The following EXOSC7 variants were observed in gnomAD, a reference collection of about 807,000 sequenced individuals.
EXOSC7 encodes the protein exosome component 7, also known as exosome complex component RRP42.
A neutral mutation model predicts 34.3 loss-of-function variants in EXOSC7; 25 were observed. That is an observed-to-expected ratio of 0.73 (90% CI 0.53 to 1.02). The LOEUF (loss-of-function observed/expected upper bound fraction) is 1.02, where lower values mean the gene tolerates loss of function less well. EXOSC7 is among the 50% of genes least tolerant of loss of function. EXOSC7 has a pLI of 0.00. For missense variants in EXOSC7, 370 were observed against 368.5 expected, an observed-to-expected ratio of 1.00 and a Z score of -0.03; for synonymous variants, 130 against 143.0, an observed-to-expected ratio of 0.91 and a Z score of 0.65.
chr3:44,995,330 T>C (rs1229418983), intron 3 of EXOSC7, among the ~76,000 whole-genome samples: 2 of 152,192 alleles, frequency 1.3e-5, no homozygotes, highest in Admixed American at 1.3e-4. Flanking sequence ...CAGTTGGACC[T>C]GGGAAGCTCT....
chr3:45,007,449 TCTTCAGGAGGAGGC>T lies in EXOSC7; in HGVS notation c.648_661del (p.Gln217LeufsTer88). The T allele has an allele frequency of 6.2e-7, 1 of 1,614,214 alleles. No individual in the cohort carries two copies. The highest frequency in any genetic ancestry group is 8.5e-7 in the Non-Finnish European group (1 of 1,180,028). On this transcript the variant is annotated frameshift_variant, in exon 7 of 8. Coordinates refer to ENST00000265564, the MANE Select transcript of EXOSC7 (RefSeq NM_015004.4). LOFTEE classifies it high-confidence loss of function. ...GCTATCGGCATGTGGTGGATGCTAC[TCTTCAGGAGGAGGC>T]CTGCTCGCTGGCCAGCTTGCTGGTG...
intron 1 of EXOSC7, among the ~76,000 whole-genome samples, chr3:44,984,387 G>C (rs780038047): frequency 6.6e-6 from 1 of 151,964 alleles, no homozygotes; most frequent in South Asian, 2.1e-4. Context: ...GAGGTAGAAG[G>C]ATTGCTTGAG....
At position 44,989,596 on chromosome 3, in the gene EXOSC7, C is replaced by A. The variant is rs747870577; in HGVS notation, c.206C>A (p.Pro69Gln). The A allele has an allele frequency of 6.2e-7, 1 of 1,613,854 alleles. No homozygotes were observed. Among genetic ancestry groups the A allele is most frequent in the Admixed American group, 1.7e-5 (1 of 60,006 alleles). ...LVGVKAEMGT[P>Q]KLEKPNEGYL... ...GGAGTGAAAGCAGAAATGGGGACGCCGAAGCTGGAGAAACCAAATGAAGGC... is the reference window on the plus strand; with the variant it reads ...GGAGTGAAAGCAGAAATGGGGACGCAGAAGCTGGAGAAACCAAATGAAGGC... The change falls in exon 3 of 8, where the codon CCG (proline) becomes CAG (glutamine). Residue 69 changes from proline to glutamine, a missense_variant. Physicochemically the swap from Pro to Gln is moderately conservative, Grantham distance 76. Transcript: ENST00000265564.
At chr3:44,979,857 G>T (rs1215757491) in intron 1 of EXOSC7, among the ~76,000 whole-genome samples, 1 of 152,160 alleles carries the variant, frequency 6.6e-6, no homozygotes, top group Non-Finnish European at 1.5e-5. Context: ...TGTGAGAAGG[G>T]AGGGTGGATC....
intron 1 of EXOSC7, among the ~76,000 whole-genome samples, chr3:44,986,671 A>G (rs1706427180): frequency 6.6e-6 from 1 of 152,204 alleles, no homozygotes; most frequent in Non-Finnish European, 1.5e-5. Flanking sequence ...AATATCTTCC[A>G]GGGAGGAAAG....
rs1486875779 is a variant in EXOSC7, at chr3:45,011,239, G to T, written c.776G>T (p.Gly259Val). ...TCTCCCGTCCCTTCTCCACAGACTG[G>T]CAAGCGTGTGGGCAAGGTACTGCAT... ...PESIFEMMETGKRVGKVLHAS... is the reference protein window; with the variant it reads ...PESIFEMMETVKRVGKVLHAS... Residue 259 changes from glycine (G) to valine (V), a missense_variant, in exon 8 of 8, where the codon GGC becomes GTC. Transcript: ENST00000265564. The T allele has an allele frequency of 6.2e-7, 1 of 1,608,916 alleles. No homozygotes were observed. The highest frequency in any genetic ancestry group is 1.1e-5 in the South Asian group (1 of 90,224).
intron 7 of EXOSC7, among the ~76,000 whole-genome samples, chr3:45,010,225 G>GA (rs943856086): frequency 3.6e-4 from 55 of 152,264 alleles, no homozygotes; most frequent in African/African-American, 1.3e-3. Flanking sequence ...GTTTCATAAA[G>GA]AAAAATATAT....
chr3:44,999,295 T>G (rs112797449), intron 4 of EXOSC7, among the ~76,000 whole-genome samples: 161 of 152,364 alleles, frequency 1.1e-3, no homozygotes, highest in African/African-American at 3.8e-3. Context: ...CTGTCATCTG[T>G]AGACCTTTCT....
At position 44,997,194 on chromosome 3, in the gene EXOSC7, T is replaced by C; in HGVS notation, c.362T>C (p.Leu121Ser). The C allele has an allele frequency of 1.2e-6, 2 of 1,614,054 alleles. No individual in the cohort carries two copies. The highest frequency in any genetic ancestry group is 2.7e-5 in the African/African-American group (2 of 75,002). Residue 121 changes from leucine (L) to serine (S), a missense_variant, in exon 4 of 8, where the codon TTA (leucine) becomes TCA (serine). Physicochemically the swap from Leu to Ser is moderately radical, Grantham distance 145. Transcript: ENST00000265564. ...TTTAACAATAAAAGCAGTGTCGACT[T>C]AAAGACCCTCTGCATTAGTCCTCGG... ...RIFNNKSSVD[L>S]KTLCISPREH... is the part of the protein sequence containing the mutation.
At chr3:44,979,095 G>A (rs1231291767) in intron 1 of EXOSC7, among the ~76,000 whole-genome samples, 1 of 152,124 alleles carries the variant, frequency 6.6e-6, no homozygotes, top group Non-Finnish European at 1.5e-5. Context: ...TCAAATCAAC[G>A]TCTTCATAAG....
chr3:44,994,933 A>G (rs1046609796), intron 3 of EXOSC7, among the ~76,000 whole-genome samples: 4 of 149,200 alleles, frequency 2.7e-5, no homozygotes, highest in Middle Eastern at 3.4e-3. Flanking sequence ...ATAGGTAAAA[A>G]TTTCCACTTT....
chr3:44,988,003 A>C (rs1232091311), intron 1 of EXOSC7, among the ~76,000 whole-genome samples: 1 of 152,154 alleles, frequency 6.6e-6, no homozygotes, highest in African/African-American at 2.4e-5. Context: ...GTTAGTATAC[A>C]TAACTGTATT....
At chr3:44,989,380 G>GA in intron 2 of EXOSC7, 139 bp downstream of exon 2, 1 of 819,496 alleles carries the variant, frequency 1.2e-6, no homozygotes. Context: ...CAGGGAGGGG[G>GA]GGTCTATCCA....
chr3:45,005,065 A>C (rs1706994614), intron 5 of EXOSC7: 1 of 494,698 alleles, frequency 2.0e-6, no homozygotes, highest in Non-Finnish European at 3.6e-6. Context: ...TTCCATTGGG[A>C]TATCTGATTG....
intron 5 of EXOSC7, 65 bp from the exon 6 acceptor site, chr3:45,005,226 C>T: frequency 2.5e-6 from 4 of 1,583,666 alleles, no homozygotes; most frequent in South Asian, 2.2e-5. Context: ...CTCCTATTCT[C>T]AATCTTAAAA....
At chr3:44,976,422 C>A in intron 1 of EXOSC7, 88 bp downstream of exon 1, 1 of 1,167,974 alleles carries the variant, frequency 8.6e-7, no homozygotes, top group Non-Finnish European at 1.2e-6. Context: ...AGTGAGGAGG[C>A]AGCCGAGCTG....
chr3:45,001,142 T>C (rs1706864459), intron 4 of EXOSC7, among the ~76,000 whole-genome samples: 1 of 151,640 alleles, frequency 6.6e-6, no homozygotes, highest in Non-Finnish European at 1.5e-5. Context: ...AGAATAGATT[T>C]AGGGAAAGAA....
At chr3:44,990,421 G>A (rs184799820) in intron 3 of EXOSC7, among the ~76,000 whole-genome samples, 73 of 152,152 alleles carry the variant, frequency 4.8e-4, no homozygotes, top group African/African-American at 1.7e-3. Flanking sequence ...TTTTTATTTG[G>A]TTGCTGGCCA....
intron 1 of EXOSC7, among the ~76,000 whole-genome samples, chr3:44,987,142 A>G (rs1262959219): frequency 6.6e-6 from 1 of 152,116 alleles, no homozygotes; most frequent in Non-Finnish European, 1.5e-5. Context: ...CCCTTCATAT[A>G]AGAAACAAGG....
Sources: allele counts gnomAD v4.1 joint callset (sites outside exome capture counted in the v4.1 genomes callset), GRCh38; gene constraint gnomAD v4.1.1; transcripts MANE v1.5; gene names NCBI Gene and HGNC (gene_info 2026-07-23, HGNC 2026-07-21).